PARD3: variants seen among roughly 807,000 people sequenced by gnomAD.
The protein encoded by PARD3 is partitioning defective 3 homolog.
In PARD3, 75 loss-of-function variants were observed where a neutral mutation model predicts 155.4. The observed-to-expected ratio is 0.48, with a 90% confidence interval of 0.40 to 0.58. The LOEUF is 0.58. Among genes scored for constraint, PARD3 ranks in the 20% least tolerant of loss-of-function variants. PARD3 has a pLI of 0.00. For missense variants in PARD3, 1,642 were observed against 1,721.7 expected, an observed-to-expected ratio of 0.95 and a Z score of 0.82; for synonymous variants, 576 against 610.5, an observed-to-expected ratio of 0.94 and a Z score of 0.83.
In PARD3 at chr10:34,611,112, A is replaced by T. The variant is rs145276898; in HGVS notation, c.222+85206T>A. On this transcript the variant is annotated intron_variant, in intron 2 of 24. Transcript: ENST00000374788. ...ACGATGCATTCCAAACTCAGTCCCA[A>T]AAATAGATGAAAATCATGCACCTTG... 8.5e-5 allele frequency among the ~76,000 whole-genome samples: 13 copies of T among 152,324 alleles called. No homozygotes were observed. The East Asian group carries it at 2.5e-3, about 29-fold the overall frequency.
chr10:34,546,176 T>C (rs569170880), intron 2 of PARD3, among the ~76,000 whole-genome samples: 1 of 152,310 alleles, frequency 6.6e-6, no homozygotes, highest in Non-Finnish European at 1.5e-5. Flanking sequence ...AAAGTTGTCT[T>C]ACATTTTGAA....
At chr10:34,207,375 T>C (rs1258144046) in intron 22 of PARD3, among the ~76,000 whole-genome samples, 1 of 152,168 alleles carries the variant, frequency 6.6e-6, no homozygotes, top group Non-Finnish European at 1.5e-5. Flanking sequence ...TGGAGCTGAT[T>C]TCCTACATCT....
chr10:34,354,168 A>G (rs1051478924), intron 14 of PARD3, among the ~76,000 whole-genome samples: 5 of 151,214 alleles, frequency 3.3e-5, no homozygotes, highest in African/African-American at 4.9e-5. Flanking sequence ...AGATGGTAGC[A>G]GGCACTTGCA....
intron 5 of PARD3, among the ~76,000 whole-genome samples, chr10:34,439,601 C>T (rs1347927865): frequency 2.6e-5 from 4 of 151,976 alleles, no homozygotes; most frequent in African/African-American, 9.7e-5. Context: ...GGGATTACTG[C>T]GTGTGCCACC....
intron 15 of PARD3, chr10:34,345,429 G>C: frequency 1.0e-6 from 1 of 985,256 alleles, no homozygotes; most frequent in Non-Finnish European, 1.2e-6. Flanking sequence ...TAATCAGCCA[G>C]AATTTCAATA....
intron 1 of PARD3, among the ~76,000 whole-genome samples, chr10:34,727,806 T>C (rs1252567637): frequency 7.2e-6 from 1 of 138,450 alleles, no homozygotes; most frequent in Non-Finnish European, 1.6e-5. Flanking sequence ...TGCAACCCCC[T>C]CCCTCCACCA....
chr10:34,400,982 C>CT (rs1843819168), intron 6 of PARD3, among the ~76,000 whole-genome samples: 2 of 152,172 alleles, frequency 1.3e-5, no homozygotes, highest in Admixed American at 1.3e-4. Context: ...ATGGCAAGTA[C>CT]TTTACTAAAT....
intron 1 of PARD3, among the ~76,000 whole-genome samples, chr10:34,794,025 G>T (rs1048416209): frequency 6.6e-6 from 1 of 152,008 alleles, no homozygotes; most frequent in Non-Finnish European, 1.5e-5. Flanking sequence ...GCAAAGGTAA[G>T]CAAACTCAAC....
chr10:34,745,364 C>CA (rs1262811334), intron 1 of PARD3, among the ~76,000 whole-genome samples: 2 of 126,460 alleles, frequency 1.6e-5, no homozygotes, highest in Non-Finnish European at 3.3e-5. Flanking sequence ...CCTATATCTA[C>CA]AAAAGATAGA....
chr10:34,629,787 A>G (rs1419919202), intron 2 of PARD3, among the ~76,000 whole-genome samples: 5 of 152,194 alleles, frequency 3.3e-5, no homozygotes, highest in Non-Finnish European at 7.4e-5. Context: ...CGCAGCTTTT[A>G]TTAGGAGATT....
chr10:34,561,374 TATTTC>T (rs1386513158), intron 2 of PARD3, among the ~76,000 whole-genome samples: 1 of 152,182 alleles, frequency 6.6e-6, no homozygotes, highest in Admixed American at 6.5e-5. Context: ...CCCAAACCAG[TATTTC>T]ATTTGTCAGT....
intron 2 of PARD3, among the ~76,000 whole-genome samples, chr10:34,592,300 A>G (rs1003094274): frequency 6.6e-6 from 1 of 152,182 alleles, no homozygotes; most frequent in South Asian, 2.1e-4. Flanking sequence ...CCTACTTTAA[A>G]TCACCTGGGA....
At chr10:34,680,762 C>T (rs926412472) in intron 2 of PARD3, among the ~76,000 whole-genome samples, 1 of 143,508 alleles carries the variant, frequency 7.0e-6, no homozygotes, top group Admixed American at 7.6e-5. Context: ...CATATTCTCA[C>T]TCATAGGTGG....
intron 22 of PARD3, among the ~76,000 whole-genome samples, chr10:34,209,080 T>C (rs917582059): frequency 6.6e-6 from 1 of 152,178 alleles, no homozygotes; most frequent in Non-Finnish European, 1.5e-5. Flanking sequence ...GAATAAAAAA[T>C]GTAAGACAAA....
chr10:34,414,670 GA>G (rs1260585336), intron 5 of PARD3, among the ~76,000 whole-genome samples: 1 of 151,290 alleles, frequency 6.6e-6, no homozygotes, highest in Non-Finnish European at 1.5e-5. Context: ...AAAATTAAAA[GA>G]AAAAAATAAA....
intron 7 of PARD3, among the ~76,000 whole-genome samples, chr10:34,388,950 T>C (rs1006269917): frequency 6.6e-5 from 10 of 151,952 alleles, no homozygotes; most frequent in Non-Finnish European, 8.8e-5. Flanking sequence ...TAAGAAGAAA[T>C]GATTATAGGG....
At chr10:34,721,620 T>A (rs1011240885) in intron 1 of PARD3, among the ~76,000 whole-genome samples, 19 of 152,220 alleles carry the variant, frequency 1.2e-4, no homozygotes, top group Non-Finnish European at 2.6e-4. Flanking sequence ...AGCAAGACCC[T>A]GCTCTTCCAC....
intron 22 of PARD3, among the ~76,000 whole-genome samples, chr10:34,253,758 C>T (rs555685078): frequency 6.6e-6 from 1 of 152,280 alleles, no homozygotes; most frequent in African/African-American, 2.4e-5. Flanking sequence ...GGAACTTTCA[C>T]AGTAAAGTGT....
intron 23 of PARD3, among the ~76,000 whole-genome samples, chr10:34,120,004 A>ATTTTTTTTTTTTTTTTTTTTTTTT (rs1185067110): frequency 1.4e-5 from 1 of 73,824 alleles, no homozygotes; most frequent in African/African-American, 5.9e-5. Context: ...GTCTTCTTTA[A>ATTTTTTTTTTTTTTTTTTTTTTTT]TTTTTTTTTT....
Sources: allele counts gnomAD v4.1 joint callset (sites outside exome capture counted in the v4.1 genomes callset), GRCh38; gene constraint gnomAD v4.1.1; transcripts MANE v1.5; gene names NCBI Gene and HGNC (gene_info 2026-07-23, HGNC 2026-07-21).